Variants in PTPRD observed in about 807,000 individuals in gnomAD.
PTPRD encodes the protein protein tyrosine phosphatase receptor type D, also known as receptor-type tyrosine-protein phosphatase delta.
A neutral mutation model predicts 214.5 loss-of-function variants in PTPRD; 34 were observed. That is an observed-to-expected ratio of 0.16 (90% CI 0.12 to 0.21). PTPRD has a LOEUF of 0.21. Among genes scored for constraint, PTPRD ranks in the 10% least tolerant of loss-of-function variants. PTPRD has a pLI of 1.00. For synonymous variants in PTPRD, 1,128 were observed against 845.7 expected (o/e 1.33, Z -5.79); for missense variants, 2,545 against 2,398.7 (o/e 1.06, Z -1.27).
At chr9:8,966,466 T>C (rs2099195794) in intron 11 of PTPRD, among the ~76,000 whole-genome samples, 1 of 151,366 alleles carries the variant, frequency 6.6e-6, no homozygotes, top group South Asian at 2.1e-4. Flanking sequence ...CACACCTACA[T>C]CCATCTGATA....
At chr9:8,788,812 A>G (rs1189902457) in intron 11 of PTPRD, among the ~76,000 whole-genome samples, 3 of 152,312 alleles carry the variant, frequency 2.0e-5, no homozygotes, top group Middle Eastern at 3.4e-3. Flanking sequence ...CCAACTGTTT[A>G]CTCAGGAATT....
At chr9:8,419,552 A>G (rs901746811) in intron 35 of PTPRD, among the ~76,000 whole-genome samples, 1 of 152,132 alleles carries the variant, frequency 6.6e-6, no homozygotes, top group Non-Finnish European at 1.5e-5. Flanking sequence ...TCTTTTACCA[A>G]TATAAATATT....
intron 3 of PTPRD, among the ~76,000 whole-genome samples, chr9:10,034,012 G>C (rs1041531272): frequency 6.6e-6 from 1 of 151,984 alleles, no homozygotes; most frequent in African/African-American, 2.4e-5. Context: ...AGAATATACA[G>C]AATCTTTTAG....
At chr9:9,479,674 C>T (rs942139824) in intron 8 of PTPRD, among the ~76,000 whole-genome samples, 9 of 151,984 alleles carry the variant, frequency 5.9e-5, no homozygotes, top group African/African-American at 2.2e-4. Flanking sequence ...TAAATGATGG[C>T]AATCACTATT....
At chr9:10,015,488 A>G (rs2096687148) in intron 4 of PTPRD, among the ~76,000 whole-genome samples, 1 of 152,168 alleles carries the variant, frequency 6.6e-6, no homozygotes, top group Non-Finnish European at 1.5e-5. Flanking sequence ...GTTGCAATCA[A>G]CTGACAATTG....
chr9:9,362,963 A>T (rs1391893872), intron 9 of PTPRD, among the ~76,000 whole-genome samples: 1 of 151,250 alleles, frequency 6.6e-6, no homozygotes, highest in African/African-American at 2.4e-5. Flanking sequence ...CCTTTTATCA[A>T]ATGTTTAAGG....
At chr9:9,961,187 C>G (rs1282382539) in intron 4 of PTPRD, among the ~76,000 whole-genome samples, 1 of 151,982 alleles carries the variant, frequency 6.6e-6, no homozygotes, top group African/African-American at 2.4e-5. Context: ...ATAAATATAG[C>G]TCACAAGCAG....
chr9:9,851,201 C>T (rs1194225294), intron 5 of PTPRD, among the ~76,000 whole-genome samples: 1 of 152,060 alleles, frequency 6.6e-6, no homozygotes, highest in Non-Finnish European at 1.5e-5. Context: ...ATAATATAAG[C>T]AAAAGTAGAA....
At chr9:9,239,658 T>C (rs977828861) in intron 9 of PTPRD, among the ~76,000 whole-genome samples, 4 of 152,166 alleles carry the variant, frequency 2.6e-5, no homozygotes, top group African/African-American at 9.6e-5. Context: ...GATTTTGGGA[T>C]CTGGGCAGAT....
intron 3 of PTPRD, among the ~76,000 whole-genome samples, chr9:10,210,369 A>G (rs956017007): frequency 2.6e-5 from 4 of 152,126 alleles, no homozygotes; most frequent in African/African-American, 9.7e-5. Context: ...CAATTGAGGC[A>G]TTTTCATAGG....
At chr9:9,440,000 C>G (rs1314444517) in intron 8 of PTPRD, among the ~76,000 whole-genome samples, 2 of 152,196 alleles carry the variant, frequency 1.3e-5, no homozygotes, top group Non-Finnish European at 2.9e-5. Flanking sequence ...AAGTCAAAGT[C>G]TATACCTCCA....
chr9:8,633,871 G>A (rs1011237137), intron 13 of PTPRD, among the ~76,000 whole-genome samples: 3 of 151,958 alleles, frequency 2.0e-5, no homozygotes, highest in African/African-American at 7.2e-5. Context: ...GTAAGGTGAA[G>A]AATTAATGCA....
At chr9:10,260,696 C>T (rs1226358107) in intron 3 of PTPRD, among the ~76,000 whole-genome samples, 1 of 151,984 alleles carries the variant, frequency 6.6e-6, no homozygotes, top group African/African-American at 2.4e-5. Context: ...ATTCTACATT[C>T]CTCAAGTTTT....
chr9:9,008,205 T>TTTTATTTATTTATTTATTTA (rs71317392), intron 11 of PTPRD, among the ~76,000 whole-genome samples: 2,182 of 121,178 alleles, frequency 0.018, 47 homozygotes, highest in East Asian at 0.035. Flanking sequence ...CTCCCCTTCA[T>TTTTATTTATTTATTTATTTA]TTTATTTATT....
chr9:10,340,056 C>T (rs1451467480), intron 3 of PTPRD, among the ~76,000 whole-genome samples: 1 of 151,810 alleles, frequency 6.6e-6, no homozygotes, highest in East Asian at 1.9e-4. Context: ...TTTTATATAA[C>T]TCCACATAAA....
intron 39 of PTPRD, among the ~76,000 whole-genome samples, chr9:8,368,485 T>C (rs2080573553): frequency 6.6e-6 from 1 of 152,114 alleles, no homozygotes; most frequent in Non-Finnish European, 1.5e-5. Context: ...ATATATGATT[T>C]TGAAGTTAGA....
chr9:9,915,036 G>T (rs995361024), intron 5 of PTPRD, among the ~76,000 whole-genome samples: 1 of 152,072 alleles, frequency 6.6e-6, no homozygotes, highest in Non-Finnish European at 1.5e-5. Context: ...AAAATAGCCC[G>T]GTGAGCCAAC....
intron 36 of PTPRD, among the ~76,000 whole-genome samples, chr9:8,398,834 A>C (rs900302873): frequency 1.7e-4 from 26 of 152,152 alleles, no homozygotes; most frequent in African/African-American, 6.3e-4. Context: ...TAGAACTACG[A>C]GGAATAAATT....
chr9:9,564,394 G>T (rs1446112118), intron 8 of PTPRD, among the ~76,000 whole-genome samples: 1 of 151,956 alleles, frequency 6.6e-6, no homozygotes, highest in Non-Finnish European at 1.5e-5. Flanking sequence ...AATCTCCCTG[G>T]CATAACAGAG....
Sources: gnomAD v4.1 joint callset for allele counts (sites outside exome capture counted in the v4.1 genomes callset) on GRCh38, gnomAD v4.1.1 for gene constraint, MANE v1.5 for transcripts, NCBI Gene and HGNC (gene_info 2026-07-23, HGNC 2026-07-21) for gene names.